The following CDH18 variants were observed in gnomAD, a reference collection of about 807,000 sequenced individuals.
CDH18 encodes cadherin-18.
A neutral mutation model predicts 67.9 loss-of-function variants in CDH18; 31 were observed. The ratio of observed to expected loss-of-function variants is 0.46; its 90% CI spans 0.34 to 0.62. The LOEUF is 0.62. Among genes scored for constraint, CDH18 ranks in the 20% least tolerant of loss-of-function variants. The pLI is 0.01. For missense variants in CDH18, 890 were observed against 975.5 expected (o/e 0.91, Z 1.17); for synonymous variants, 362 against 347.2 (o/e 1.04, Z -0.48).
chr5:20,110,145 A>C (rs373956812), intron 2 of CDH18, among the ~76,000 whole-genome samples: 1 of 152,230 alleles, frequency 6.6e-6, no homozygotes, highest in African/African-American at 2.4e-5. Context: ...TCTGAAGCTG[A>C]GAACTGCCAA....
intron 2 of CDH18, among the ~76,000 whole-genome samples, chr5:19,976,321 C>A (rs1798494807): frequency 6.6e-6 from 1 of 152,030 alleles, no homozygotes; most frequent in Admixed American, 6.6e-5. Flanking sequence ...TTCTGGCAAT[C>A]TACATAATTA....
chr5:19,659,065 T>C (rs1282696997), intron 5 of CDH18, among the ~76,000 whole-genome samples: 1 of 152,136 alleles, frequency 6.6e-6, no homozygotes, highest in African/African-American at 2.4e-5. Context: ...ACCCAAACAC[T>C]GAATGTTCTC....
At chr5:19,729,388 C>A (rs560145383) in intron 4 of CDH18, among the ~76,000 whole-genome samples, 1 of 152,134 alleles carries the variant, frequency 6.6e-6, no homozygotes, top group Non-Finnish European at 1.5e-5. Flanking sequence ...CAATTGGAGA[C>A]GGCAGAATTC....
At chr5:20,358,863 T>A (rs2150068434) in intron 1 of CDH18, among the ~76,000 whole-genome samples, 1 of 151,790 alleles carries the variant, frequency 6.6e-6, no homozygotes, top group East Asian at 1.9e-4. Context: ...CATATAAAAA[T>A]ATTCAAGAAA....
At chr5:20,460,378 C>G (rs192015627) in intron 1 of CDH18, among the ~76,000 whole-genome samples, 1 of 149,422 alleles carries the variant, frequency 6.7e-6, no homozygotes, top group African/African-American at 2.5e-5. Flanking sequence ...GTTGACAGAG[C>G]GAGACTCCAT....
At chr5:20,317,394 G>A (rs1303033948) in intron 1 of CDH18, among the ~76,000 whole-genome samples, 1 of 152,014 alleles carries the variant, frequency 6.6e-6, no homozygotes, top group Non-Finnish European at 1.5e-5. Flanking sequence ...TTTATTTGTT[G>A]TAGTTTCTCC....
At chr5:19,561,933 T>A (rs1267095896) in intron 8 of CDH18, among the ~76,000 whole-genome samples, 1 of 152,126 alleles carries the variant, frequency 6.6e-6, no homozygotes, top group Non-Finnish European at 1.5e-5. Flanking sequence ...ATCAGCAATA[T>A]ATAATGTGAT....
intron 2 of CDH18, among the ~76,000 whole-genome samples, chr5:20,152,296 C>A (rs2126574461): frequency 6.8e-6 from 1 of 146,978 alleles, no homozygotes; most frequent in Non-Finnish European, 1.5e-5. Context: ...ATATATTGGG[C>A]TTGAAAACAA....
intron 2 of CDH18, among the ~76,000 whole-genome samples, chr5:20,176,139 C>A (rs1014045384): frequency 6.6e-6 from 1 of 152,102 alleles, no homozygotes; most frequent in Non-Finnish European, 1.5e-5. Flanking sequence ...CACAGAAGGA[C>A]CACTGCAAGA....
chr5:19,532,798 G>A (rs531666589), intron 9 of CDH18, among the ~76,000 whole-genome samples: 1 of 152,304 alleles, frequency 6.6e-6, no homozygotes, highest in Middle Eastern at 3.4e-3. Context: ...AGGTATAGCT[G>A]ACAAAAGTTT....
intron 1 of CDH18, among the ~76,000 whole-genome samples, chr5:20,307,674 T>G (rs1736592404): frequency 6.6e-6 from 1 of 152,188 alleles, no homozygotes. Flanking sequence ...TAAACAATAT[T>G]TCATTTCCCT....
chr5:20,179,165 A>G (rs545638501), intron 2 of CDH18, among the ~76,000 whole-genome samples: 2 of 152,284 alleles, frequency 1.3e-5, no homozygotes, highest in African/African-American at 4.8e-5. Context: ...ATATTAAGAA[A>G]AACATTGGCA....
At chr5:19,626,155 G>C (rs1319827889) in intron 5 of CDH18, among the ~76,000 whole-genome samples, 1 of 152,090 alleles carries the variant, frequency 6.6e-6, no homozygotes, top group South Asian at 2.1e-4. Flanking sequence ...TTTTCATGGG[G>C]AGAGGACACC....
chr5:20,318,133 G>A (rs544715827), intron 1 of CDH18, among the ~76,000 whole-genome samples: 58 of 152,172 alleles, frequency 3.8e-4, no homozygotes, highest in African/African-American at 1.3e-3. Context: ...AGCACCTGGT[G>A]GAACACTATG....
chr5:20,094,891 G>T (rs923605765), intron 2 of CDH18, among the ~76,000 whole-genome samples: 1 of 152,048 alleles, frequency 6.6e-6, no homozygotes, highest in Non-Finnish European at 1.5e-5. Context: ...CAATAGCAAA[G>T]ACTTGGAACC....
chr5:19,826,932 G>A (rs1780472919), intron 3 of CDH18, among the ~76,000 whole-genome samples: 1 of 152,100 alleles, frequency 6.6e-6, no homozygotes, highest in African/African-American at 2.4e-5. Flanking sequence ...AAGGCACAGA[G>A]TGGTAAGTGA....
chr5:19,973,009 C>A (rs887537158), intron 2 of CDH18, among the ~76,000 whole-genome samples: 1 of 151,412 alleles, frequency 6.6e-6, no homozygotes, highest in African/African-American at 2.4e-5. Context: ...TACAGTTAAT[C>A]GTTAATAAAA....
At chr5:19,889,267 T>C (rs556988220) in intron 2 of CDH18, among the ~76,000 whole-genome samples, 26 of 152,214 alleles carry the variant, frequency 1.7e-4, no homozygotes, top group South Asian at 4.1e-4. Context: ...TCTAGTTTGC[T>C]AATAATTTTA....
intron 2 of CDH18, among the ~76,000 whole-genome samples, chr5:20,090,725 G>GAAAAGAAAAA (rs1745341611): frequency 6.6e-6 from 1 of 150,972 alleles, no homozygotes; most frequent in Non-Finnish European, 1.5e-5. Flanking sequence ...TTATTAAAAA[G>GAAAAGAAAAA]AAAAGAAAAA....
Sources: allele counts gnomAD v4.1 joint callset (sites outside exome capture counted in the v4.1 genomes callset), GRCh38; gene constraint gnomAD v4.1.1; transcripts MANE v1.5; gene names NCBI Gene and HGNC (gene_info 2026-07-23, HGNC 2026-07-21).